The following TMTC4 variants were observed in gnomAD, a reference collection of about 807,000 sequenced individuals.
TMTC4 encodes transmembrane O-mannosyltransferase targeting cadherins 4, also known as protein O-mannosyl-transferase TMTC4.
In TMTC4, 65 loss-of-function variants were observed where a neutral mutation model predicts 86.0. The ratio of observed to expected loss-of-function variants is 0.76; its 90% CI spans 0.62 to 0.93. The LOEUF is 0.93. TMTC4 is among the 40% of genes least tolerant of loss of function. The pLI is 0.00. For synonymous variants in TMTC4, 379 were observed against 382.5 expected (o/e 0.99, Z 0.11); for missense variants, 866 against 948.1 (o/e 0.91, Z 1.14).
In TMTC4 at chr13:100,636,675, CCA is replaced by C. The variant is rs1434179684; in HGVS notation, c.1057_1058del (p.Trp353AlafsTer4). ...AGCCCATTGACCAATCAAAACACAG[CCA>C]CCAGGGACACAGCAGCAGCCAGGCA... is the stretch of plus-strand genomic sequence containing the variant. ...LNAWLLLCPW[W>X]LCFDWSMGCI... On this transcript the variant is annotated frameshift_variant, in exon 10 of 19. Transcript: ENST00000342624. LOFTEE classifies it high-confidence loss of function. The C allele has an allele frequency of 1.2e-6, 2 of 1,614,134 alleles. No individual in the cohort carries two copies. The highest frequency in any genetic ancestry group is 1.7e-6 in the Non-Finnish European group (2 of 1,180,034).
intron 12 of TMTC4, among the ~76,000 whole-genome samples, chr13:100,633,383 G>A (rs1881728650): frequency 6.7e-6 from 1 of 149,966 alleles, no homozygotes; most frequent in Admixed American, 6.6e-5. Flanking sequence ...CACCGTGTGA[G>A]GGCATTTTAG....
rs761438808 is a variant in TMTC4, at chr13:100,606,314, A to G, written c.2134+44T>C. ...TATAGACATGCACCCACTTCATTAA[A>G]GTAACAAAATTTCAACACGATTCAA... is the stretch of plus-strand genomic sequence containing the variant. On this transcript the variant is annotated intron_variant, in intron 18 of 18. Coordinates refer to ENST00000342624, the MANE Select transcript of TMTC4 (RefSeq NM_032813.5). The G allele has an allele frequency of 1.9e-6, 3 of 1,557,102 alleles. No homozygotes were observed. In the South Asian group the frequency reaches 3.4e-5, roughly 18 times the overall value.
intron 12 of TMTC4, among the ~76,000 whole-genome samples, chr13:100,634,381 T>C (rs1309425119): frequency 6.6e-6 from 1 of 152,144 alleles, no homozygotes; most frequent in African/African-American, 2.4e-5. Flanking sequence ...TTACTACCCC[T>C]TTAAATTCCA....
chr13:100,646,043 G>A (rs1883692099), intron 6 of TMTC4, among the ~76,000 whole-genome samples: 1 of 152,112 alleles, frequency 6.6e-6, no homozygotes, highest in Non-Finnish European at 1.5e-5. Context: ...TGCCACTCAC[G>A]GGTGTGTGGT....
intron 6 of TMTC4, among the ~76,000 whole-genome samples, chr13:100,645,225 A>T (rs899159358): frequency 6.6e-6 from 1 of 152,028 alleles, no homozygotes; most frequent in African/African-American, 2.4e-5. Context: ...AACCCTCTCC[A>T]GCCCCTCCCA....
chr13:100,609,671 G>A (rs7987673), intron 17 of TMTC4, among the ~76,000 whole-genome samples: 94,745 of 148,142 alleles, frequency 0.64, 29,713 homozygotes, highest in Middle Eastern at 0.69. Context: ...CTCACTAAAT[G>A]TATATATATA....
chr13:100,649,136 G>A (rs1389292204), intron 6 of TMTC4, among the ~76,000 whole-genome samples: 1 of 152,122 alleles, frequency 6.6e-6, no homozygotes, highest in African/African-American at 2.4e-5. Flanking sequence ...CAGTATATAT[G>A]TGCATGAATG....
At chr13:100,629,864 C>T (rs1303801208) in intron 12 of TMTC4, among the ~76,000 whole-genome samples, 2 of 152,200 alleles carry the variant, frequency 1.3e-5, no homozygotes, top group South Asian at 4.2e-4. Context: ...GATATGTGTG[C>T]ACAGAAGACA....
upstream of TMTC4, chr13:100,674,909 C>G (rs1265084520): frequency 6.1e-6 from 6 of 984,726 alleles, no homozygotes; most frequent in Non-Finnish European, 7.2e-6. Flanking sequence ...CGCCCCCCAG[C>G]ACCAGTCTCG....
At chr13:100,657,245 A>C (rs1293207731) in intron 5 of TMTC4, among the ~76,000 whole-genome samples, 7 of 152,240 alleles carry the variant, frequency 4.6e-5, no homozygotes, top group African/African-American at 1.7e-4. Flanking sequence ...AAGTGTGAAA[A>C]GCCGTCCTGC....
At chr13:100,674,427 G>T (rs1887565708) in intron 1 of TMTC4, 1 of 907,134 alleles carries the variant, frequency 1.1e-6, no homozygotes, top group Admixed American at 6.4e-5. Flanking sequence ...GCGCGGCTGT[G>T]CAGGCAGGGG....
At chr13:100,670,190 GATT>G in intron 2 of TMTC4, 167 bp downstream of exon 2, 1 of 621,498 alleles carries the variant, frequency 1.6e-6, no homozygotes. Flanking sequence ...CCAGCCCCCT[GATT>G]GGGAAGGCAG....
chr13:100,666,087 G>A (rs760946082), intron 3 of TMTC4: 69 of 456,280 alleles, frequency 1.5e-4, no homozygotes, highest in Non-Finnish European at 2.0e-4. Context: ...TGATTAAGTG[G>A]AGCCTCCACA....
rs1301595702 is a variant in TMTC4 at position 100,662,957 on chromosome 13, CACTT to C, written c.552+3_552+6del. On this transcript the variant is annotated splice_donor_5th_base_variant and intron_variant, in intron 5 of 18. Coordinates refer to ENST00000342624, the MANE Select transcript of TMTC4 (RefSeq NM_032813.5). ...GCATACAGATGCCTCGGGCAGACGACACTTACACACTCGGTGTGCACAGGATGGA... is the reference window on the plus strand; with the variant it reads ...GCATACAGATGCCTCGGGCAGACGACACACACTCGGTGTGCACAGGATGGA... 2 of 1,613,204 alleles carry C rather than the reference CACTT, an allele frequency of 1.2e-6. No homozygotes were observed. Among genetic ancestry groups the C allele is most frequent in the African/African-American group, 1.3e-5 (1 of 74,906 alleles).
chr13:100,635,132 G>C lies in TMTC4; in HGVS notation c.1266C>G (p.Phe422Leu). Residue 422 changes from phenylalanine (F) to leucine (L), a missense_variant, in exon 11 of 19, where the codon TTC (phenylalanine) becomes TTG (leucine). Phe to Leu is a conservative substitution (Grantham distance 22). Coordinates refer to ENST00000342624, the MANE Select transcript of TMTC4 (RefSeq NM_032813.5). ...IPFLPASNLF[F>L]RVGFVVAERV... ...GCTCTGCGACCACGAAGCCCACTCG[G>C]AAGAACAGGTTACTCGCGGGGAGAA... 7 of 1,614,066 alleles carry C rather than the reference G, an allele frequency of 4.3e-6. No homozygotes were observed. Among genetic ancestry groups the C allele is most frequent in the Non-Finnish European group, 5.9e-6 (7 of 1,179,986 alleles).
chr13:100,658,890 G>A (rs575412635), intron 5 of TMTC4, among the ~76,000 whole-genome samples: 5 of 152,320 alleles, frequency 3.3e-5, no homozygotes, highest in Non-Finnish European at 4.4e-5. Flanking sequence ...GTAATTAAGA[G>A]AGATTTCACT....
At position 100,668,564 on chromosome 13, in the gene TMTC4, A is replaced by G. The variant is rs1416306990; in HGVS notation, c.219+15T>C. The G allele has an allele frequency of 2.8e-5, 45 of 1,611,756 alleles. No individual in the cohort carries two copies. The highest frequency in any genetic ancestry group is 3.7e-5 in the Non-Finnish European group (44 of 1,178,236). On this transcript the variant is annotated intron_variant, in intron 3 of 18. Transcript: ENST00000342624. ...TGGGCAGTTAAGTTTACCAGAAAAG[A>G]GTTGAGATACAAACCTTATTGTTAA...
chr13:100,615,231 G>A (rs1430470619), intron 15 of TMTC4, among the ~76,000 whole-genome samples: 10 of 151,730 alleles, frequency 6.6e-5, no homozygotes, highest in South Asian at 4.2e-4. Flanking sequence ...TCCACCTCCC[G>A]GGTTCATGTG....
intron 10 of TMTC4, 98 bp from the exon 11 acceptor site, chr13:100,635,293 T>C (rs931325384): frequency 4.0e-6 from 5 of 1,263,792 alleles, no homozygotes; most frequent in African/African-American, 3.0e-5. Context: ...CCTTTTCTTT[T>C]CCATGGCATC....
Sources: gnomAD v4.1 joint callset for allele counts (sites outside exome capture counted in the v4.1 genomes callset) on GRCh38, gnomAD v4.1.1 for gene constraint, MANE v1.5 for transcripts, NCBI Gene and HGNC (gene_info 2026-07-23, HGNC 2026-07-21) for gene names.